Variants in CSMD3 observed in about 807,000 individuals in gnomAD.
CSMD3 encodes CUB and sushi domain-containing protein 3.
A neutral mutation model predicts 435.2 loss-of-function variants in CSMD3; 177 were observed. The observed-to-expected ratio is 0.41, with a 90% CI of 0.36 to 0.46. CSMD3 has a LOEUF of 0.46. Among genes scored for constraint, CSMD3 ranks in the 20% least tolerant of loss-of-function variants. The pLI is 0.34. For synonymous variants in CSMD3, 1,656 were observed against 1,520.5 expected (o/e 1.09, Z -2.07); for missense variants, 4,265 against 4,504.6 (o/e 0.95, Z 1.52).
chr8:112,585,434 T>C (rs1284717524), intron 23 of CSMD3, among the ~76,000 whole-genome samples: 1 of 151,366 alleles, frequency 6.6e-6, no homozygotes, highest in African/African-American at 2.4e-5. Flanking sequence ...CCTTCTTTTG[T>C]TGTTCCCTAT....
intron 42 of CSMD3, among the ~76,000 whole-genome samples, chr8:112,339,666 T>C (rs1192025153): frequency 6.6e-6 from 1 of 152,156 alleles, no homozygotes; most frequent in Non-Finnish European, 1.5e-5. Flanking sequence ...AGTAATAACA[T>C]TAATTTTCAA....
chr8:113,016,142 AC>A (rs1216544263), intron 6 of CSMD3, among the ~76,000 whole-genome samples: 1 of 151,862 alleles, frequency 6.6e-6, no homozygotes, highest in East Asian at 1.9e-4. Context: ...TTATAGGTAA[AC>A]TAGGAAGGCA....
At chr8:112,525,699 C>T (rs571608863) in intron 27 of CSMD3, among the ~76,000 whole-genome samples, 91 of 144,340 alleles carry the variant, frequency 6.3e-4, no homozygotes, top group African/African-American at 2.2e-3. Context: ...CCAGCCTGAG[C>T]GACAGAGCGA....
intron 45 of CSMD3, among the ~76,000 whole-genome samples, chr8:112,326,388 A>G (rs1468889417): frequency 3.3e-5 from 5 of 152,192 alleles, no homozygotes; most frequent in Admixed American, 1.3e-4. Context: ...CTGATGGTTC[A>G]AATCTCGGTC....
chr8:113,009,079 A>T (rs1252580221), intron 6 of CSMD3, among the ~76,000 whole-genome samples: 2 of 151,730 alleles, frequency 1.3e-5, no homozygotes, highest in Non-Finnish European at 2.9e-5. Context: ...AAACTTTTAC[A>T]TGGCTACAAG....
At chr8:112,489,413 A>C (rs1820462200) in intron 31 of CSMD3, among the ~76,000 whole-genome samples, 1 of 152,236 alleles carries the variant, frequency 6.6e-6, no homozygotes, top group Non-Finnish European at 1.5e-5. Flanking sequence ...TGACAGAGTG[A>C]GACCCTGTCT....
intron 13 of CSMD3, among the ~76,000 whole-genome samples, chr8:112,742,362 A>G (rs558305898): frequency 6.6e-6 from 1 of 151,930 alleles, no homozygotes; most frequent in Non-Finnish European, 1.5e-5. Flanking sequence ...AATCTTTGAT[A>G]GGCTATTCTG....
intron 10 of CSMD3, among the ~76,000 whole-genome samples, chr8:112,903,329 CTAAAG>C (rs1013230363): frequency 1.1e-4 from 16 of 151,012 alleles, no homozygotes; most frequent in Non-Finnish European, 1.5e-4. Flanking sequence ...CTAACATGGG[CTAAAG>C]TAAAGGACAT....
chr8:112,921,756 A>G lies in CSMD3; in HGVS notation c.1509-5T>C. 6.2e-7 allele frequency: 1 copy of G among 1,604,186 alleles called. No individual in the cohort carries two copies. Among genetic ancestry groups the G allele is most frequent in the Non-Finnish European group, 8.5e-7 (1 of 1,171,414 alleles). The stretch of plus-strand genomic sequence containing the variant: ...AACTGCACAGTTGATCCAAGGCTAA[A>G]GTTAAATAAAAGAGAAAAAATATGA... On this transcript the variant is annotated splice_region_variant and splice_polypyrimidine_tract_variant and intron_variant, in intron 9 of 70. Coordinates refer to ENST00000297405, the MANE Select transcript of CSMD3 (RefSeq NM_198123.2).
At chr8:113,422,993 TCTAAACAAAAAATGTA>T (rs140769602) in intron 1 of CSMD3, among the ~76,000 whole-genome samples, 3,433 of 152,118 alleles carry the variant, frequency 0.023, 112 homozygotes, top group African/African-American at 0.077. Context: ...GGAACCCAAG[TCTAAACAAAAAATGTA>T]CTTATGTTTC....
intron 9 of CSMD3, among the ~76,000 whole-genome samples, chr8:112,929,428 T>C (rs2083030524): frequency 6.6e-6 from 1 of 152,030 alleles, no homozygotes; most frequent in African/African-American, 2.4e-5. Context: ...TTAGTACAAC[T>C]ATTAAAAATG....
chr8:112,373,514 A>T (rs1024769028), intron 38 of CSMD3, among the ~76,000 whole-genome samples: 19 of 145,468 alleles, frequency 1.3e-4, no homozygotes, highest in South Asian at 4.4e-4. Context: ...TTAGGTATTT[A>T]AAAAAAAATC....
intron 18 of CSMD3, 107 bp downstream of exon 18, chr8:112,656,047 C>T (rs2075249501): frequency 3.0e-6 from 2 of 663,256 alleles, no homozygotes. Flanking sequence ...TGAAGGAAAG[C>T]TTTGATTTAA....
chr8:112,804,082 A>C (rs534030984), intron 12 of CSMD3, among the ~76,000 whole-genome samples: 1 of 152,196 alleles, frequency 6.6e-6, no homozygotes, highest in Non-Finnish European at 1.5e-5. Context: ...GAGCTGCGTG[A>C]AACTGCAATG....
chr8:113,296,299 T>TAATAAC (rs2093721354), intron 2 of CSMD3, among the ~76,000 whole-genome samples: 2 of 149,852 alleles, frequency 1.3e-5, no homozygotes, highest in African/African-American at 2.4e-5. Flanking sequence ...AGTATAATAA[T>TAATAAC]AATAATAATA....
intron 5 of CSMD3, among the ~76,000 whole-genome samples, chr8:113,072,282 C>T (rs1251515076): frequency 6.6e-6 from 1 of 151,310 alleles, no homozygotes; most frequent in Admixed American, 6.6e-5. Flanking sequence ...TAGATGTTTT[C>T]TTTTTTTTCC....
chr8:112,743,151 G>T lies in CSMD3; in HGVS notation c.1973-53101C>A, dbSNP rs191762415. ...GAATGTGTGCTTATTTGTACATGTA[G>T]TTGAAAGAAAAAATAAAAATGATAT... On this transcript the variant is annotated intron_variant, in intron 13 of 70. Coordinates refer to ENST00000297405, the MANE Select transcript of CSMD3 (RefSeq NM_198123.2). Among the ~76,000 whole-genome samples the T allele has an allele frequency of 1.0e-3, 155 of 152,014 alleles. 2 individuals are homozygous for T. The highest frequency in any genetic ancestry group is 3.5e-3 in the African/African-American group (145 of 41,496).
intron 12 of CSMD3, among the ~76,000 whole-genome samples, chr8:112,819,385 A>G (rs2132426604): frequency 6.6e-6 from 1 of 152,302 alleles, no homozygotes; most frequent in South Asian, 2.1e-4. Flanking sequence ...TCCACATTCC[A>G]GCAGAGAAAT....
chr8:112,911,521 C>T (rs1465602627), intron 10 of CSMD3, among the ~76,000 whole-genome samples: 1 of 151,492 alleles, frequency 6.6e-6, no homozygotes, highest in Non-Finnish European at 1.5e-5. Context: ...TGTCTTTGTG[C>T]CTGGCTTATC....
Sources: allele counts gnomAD v4.1 joint callset (sites outside exome capture counted in the v4.1 genomes callset), GRCh38; gene constraint gnomAD v4.1.1; transcripts MANE v1.5; gene names NCBI Gene and HGNC (gene_info 2026-07-23, HGNC 2026-07-21).